Variants in FAM240C observed in about 807,000 individuals in gnomAD.
FAM240C encodes family with sequence similarity 240 member C.
Under a neutral mutation model 10.0 loss-of-function variants are expected in FAM240C, and 14 were observed. The ratio of observed to expected loss-of-function variants is 1.40; its 90% CI spans 0.92 to 2.19. FAM240C has a LOEUF of 2.19. Among genes scored for constraint, FAM240C ranks in the 30% most tolerant of loss-of-function variants. The probability of loss-of-function intolerance (pLI) is 0.00; values close to 1 mark genes in which losing one functional copy is unlikely to be tolerated. For synonymous variants in FAM240C, 49 were observed against 44.3 expected (o/e 1.11, Z -0.42); for missense variants, 154 against 122.3 (o/e 1.26, Z -1.22).
At position 241,894,175 on chromosome 2, in the gene FAM240C, C is replaced by G. The variant is rs1197614352; in HGVS notation, c.*38G>C. 2.0e-6 allele frequency: 3 copies of G among 1,533,070 alleles called. No homozygotes were observed. The highest frequency in any genetic ancestry group is 2.6e-6 in the Non-Finnish European group (3 of 1,133,532). 95.0% of individuals were successfully genotyped at this position (1,533,070 alleles called of 1,614,324 possible). On this transcript the variant is annotated 3_prime_UTR_variant, in exon 3 of 3. Transcript: ENST00000404031. ...CGCGTGGTGTTCCTTCTCCATGACCCTCCGGAAGCTCATGCAGAGTCTGGA... is the reference window on the plus strand; with the variant it reads ...CGCGTGGTGTTCCTTCTCCATGACCGTCCGGAAGCTCATGCAGAGTCTGGA...
chr2:241,896,497 G>A (rs1401175996), intron 2 of FAM240C, among the ~76,000 whole-genome samples: 2 of 103,528 alleles, frequency 1.9e-5, no homozygotes, highest in Admixed American at 1.9e-4. Context: ...AGGGGGTGTG[G>A]GTGAAGGGGG....
chr2:241,897,640 A>G (rs1260649112), intron 1 of FAM240C, among the ~76,000 whole-genome samples: 4 of 152,230 alleles, frequency 2.6e-5, no homozygotes, highest in Admixed American at 2.6e-4. Flanking sequence ...GCAATGATGC[A>G]CTTCTAACTC....
At chr2:241,896,950 G>A (rs1413054665) in intron 2 of FAM240C, among the ~76,000 whole-genome samples, 1 of 151,832 alleles carries the variant, frequency 6.6e-6, no homozygotes, top group Non-Finnish European at 1.5e-5. Context: ...CTCACGGTTA[G>A]CAACGTGGTG....
intron 2 of FAM240C, 134 bp from the exon 3 acceptor site, chr2:241,894,473 A>ATACT: frequency 1.1e-6 from 1 of 924,042 alleles, no homozygotes; most frequent in Non-Finnish European, 1.5e-6. Flanking sequence ...TGGGGGTGTC[A>ATACT]CCGCATCCCT....
chr2:241,902,386 G>GCCAGC (rs1702006137), upstream of FAM240C: 1 of 122,952 alleles, frequency 8.1e-6, no homozygotes, highest in African/African-American at 3.1e-5. This position sits in a 1 kb window ranked among gnomAD's most constrained non-coding sequence, Gnocchi z 7.1. Flanking sequence ...CCCCTCCGCC[G>GCCAGC]CCGCCTCCCC....
chr2:241,899,725 AAAAC>A (rs1701936418), intron 1 of FAM240C, among the ~76,000 whole-genome samples: 1 of 152,310 alleles, frequency 6.6e-6, no homozygotes, highest in South Asian at 2.1e-4. Context: ...TCATGGGACA[AAAAC>A]AAACCAGCAG....
upstream of FAM240C, among the ~76,000 whole-genome samples, chr2:241,900,985 G>A (rs1701969401): frequency 6.6e-6 from 1 of 152,114 alleles, no homozygotes; most frequent in Admixed American, 6.5e-5. The surrounding 1 kb of genome is among the most constrained non-coding windows in gnomAD (Gnocchi z 4.5). Context: ...ACCCGACTCT[G>A]AGGGAGGTTG....
At position 241,900,278 on chromosome 2, in the gene FAM240C, T is replaced by G. The variant is rs968584028; in HGVS notation, c.12+80A>C. On this transcript the variant is annotated intron_variant, in intron 1 of 2. Transcript: ENST00000404031. This position sits in a 1 kb window ranked among gnomAD's most constrained non-coding sequence, Gnocchi z 4.5. ...CTTGTGCCAGATATGTCACATACTC[T>G]GTTCACCTTTTGGGGGCCCCCAAAT... is the stretch of plus-strand genomic sequence containing the variant. The G allele has an allele frequency of 5.6e-6, 4 of 712,342 alleles. No homozygotes were observed. Among genetic ancestry groups the G allele is most frequent in the Admixed American group, 2.0e-5 (1 of 49,796 alleles). The allele number at this position is 712,342 out of a possible 1,614,324, so 44.1% of individuals were successfully genotyped here. A position where few individuals can be genotyped will look rare whatever the true frequency, so the allele number is the denominator to read the frequency against.
At chr2:241,899,053 G>A (rs376026033) in intron 1 of FAM240C, 16 of 1,127,520 alleles carry the variant, frequency 1.4e-5, no homozygotes, top group South Asian at 2.6e-5. Flanking sequence ...TGGCAGGAGC[G>A]CGGCCCGAGA....
At chr2:241,899,170 G>T in intron 1 of FAM240C, 1 of 1,304,206 alleles carries the variant, frequency 7.7e-7, no homozygotes, top group Non-Finnish European at 1.0e-6. Context: ...AGGTTGCAAT[G>T]AACAGGTGCT....
intron 2 of FAM240C, among the ~76,000 whole-genome samples, chr2:241,896,697 GTTGGGGTGTGGGTGT>G (rs1701824819): frequency 6.5e-5 from 2 of 30,706 alleles, no homozygotes; most frequent in African/African-American, 1.4e-4. Flanking sequence ...GGGTGTGGGT[GTTGGGGTGTGGGTGT>G]TGGGGGTGTG....
At chr2:241,896,821 G>GAA in intron 2 of FAM240C, among the ~76,000 whole-genome samples, 2 of 99,192 alleles carry the variant, frequency 2.0e-5, no homozygotes, top group African/African-American at 8.3e-5. Context: ...GTGTGGGTGT[G>GAA]GGGGTGTGGG....
intron 2 of FAM240C, 21 bp from the exon 3 acceptor site, chr2:241,894,360 C>A (rs766668890): frequency 4.6e-6 from 7 of 1,530,810 alleles, no homozygotes; most frequent in Non-Finnish European, 6.2e-6. Context: ...GCGATAATTT[C>A]GGCATTGTGA....
intron 1 of FAM240C, among the ~76,000 whole-genome samples, chr2:241,899,773 G>A (rs1354109182): frequency 6.6e-6 from 1 of 152,154 alleles, no homozygotes; most frequent in African/African-American, 2.4e-5. Flanking sequence ...GCAGACAGAA[G>A]AAACAGACAC....
Position 241,894,047 on chromosome 2 carries a change from C to T in FAM240C, c.*166G>A, listed in dbSNP as rs1701726692. 1 of 699,768 alleles carries T rather than the reference C, an allele frequency of 1.4e-6. No homozygotes were observed. The allele number at this position is 699,768 out of a possible 1,614,324, so 43.3% of individuals were successfully genotyped here. On this transcript the variant is annotated 3_prime_UTR_variant, in exon 3 of 3. Coordinates refer to ENST00000404031, the MANE Select transcript of FAM240C (RefSeq NM_001382368.1). ...TGCGCTAGAGAACCCTGGGACTCTG[C>T]TGCAGCGTGGACCCCGAGGTGGGAT...
chr2:241,894,100 A>G lies in FAM240C; in HGVS notation c.*113T>C. 1 of 1,283,302 alleles carries G rather than the reference A, an allele frequency of 7.8e-7. No homozygotes were observed. 79.5% of individuals were successfully genotyped at this position (1,283,302 alleles called of 1,614,324 possible). ...TTACGGGGTCAGCGAGGTGCGGGCC[A>G]TTTCCATGATGAAGATCCTGTGAAC... On this transcript the variant is annotated 3_prime_UTR_variant, in exon 3 of 3. Transcript: ENST00000404031.
chr2:241,896,350 T>G (rs75320051), intron 2 of FAM240C, among the ~76,000 whole-genome samples: 11,996 of 152,096 alleles, frequency 0.079, 490 homozygotes, highest in East Asian at 0.13. Context: ...TGAGCAAGTC[T>G]GCTAGGAGGA....
rs1012014247 is a variant in FAM240C at position 241,895,957 on chromosome 2, C to T, written c.161+1229G>A. 4.2e-4 allele frequency among the ~76,000 whole-genome samples: 35 copies of T among 82,474 alleles called. 1 individual carries two copies. The South Asian group carries it at 0.016, about 38-fold the overall frequency. The allele number at this position is 82,474 out of a possible 152,430, so 54.1% of individuals were successfully genotyped here. On this transcript the variant is annotated intron_variant, in intron 2 of 2. Coordinates refer to ENST00000404031, the MANE Select transcript of FAM240C (RefSeq NM_001382368.1). ...AGGCAGGGCCCGTGGGGCAAGCACT[C>T]GGTGGTGGGGGGGGGCCTCTCCTTC...
chr2:241,899,187 T>C, intron 1 of FAM240C: 1 of 1,304,066 alleles, frequency 7.7e-7, no homozygotes, highest in Non-Finnish European at 1.0e-6. Flanking sequence ...TGCTGGGGAC[T>C]CCTTCGAGGA....
Sources: gnomAD v4.1 joint callset for allele counts (sites outside exome capture counted in the v4.1 genomes callset) on GRCh38, gnomAD v4.1.1 for gene constraint, Gnocchi (gnomAD v3.1) non-coding constraint, MANE v1.5 for transcripts, NCBI Gene and HGNC (gene_info 2026-07-23, HGNC 2026-07-21) for gene names.